DCHS2: variants seen among roughly 807,000 people sequenced by gnomAD.
The protein encoded by DCHS2 is dachsous cadherin-related 2.
A neutral mutation model predicts 182.4 loss-of-function variants in DCHS2; 142 were observed. The observed-to-expected ratio is 0.78, with a 90% CI of 0.68 to 0.89. DCHS2 has a LOEUF of 0.89. Among genes scored for constraint, DCHS2 ranks in the 40% least tolerant of loss-of-function variants. The pLI, the probability that DCHS2 is intolerant of heterozygous loss-of-function variation, is 0.00. For synonymous variants in DCHS2, 1,740 were observed against 1,663.3 expected, an observed-to-expected ratio of 1.05 and a Z score of -1.12; for missense variants, 4,319 against 4,198.6, an observed-to-expected ratio of 1.03 and a Z score of -0.79.
At chr4:154,300,151 A>G (rs1735140260) in intron 12 of DCHS2, among the ~76,000 whole-genome samples, 1 of 152,126 alleles carries the variant, frequency 6.6e-6, no homozygotes. Flanking sequence ...ACTAGTACAC[A>G]GGGTTCCTGG....
intron 6 of DCHS2, 48 bp downstream of exon 6, chr4:154,329,474 AC>A: frequency 6.4e-7 from 1 of 1,552,498 alleles, no homozygotes; most frequent in South Asian, 1.2e-5. Context: ...GGTGCTCAAA[AC>A]AAATGACTTA....
chr4:154,270,675 C>A (rs1296180252), intron 13 of DCHS2, among the ~76,000 whole-genome samples: 1 of 151,354 alleles, frequency 6.6e-6, no homozygotes, highest in African/African-American at 2.4e-5. Context: ...AAGAATGGAG[C>A]AGAGAGGCCA....
chr4:154,273,685 A>G (rs980213152), intron 13 of DCHS2, among the ~76,000 whole-genome samples: 1 of 152,026 alleles, frequency 6.6e-6, no homozygotes, highest in Non-Finnish European at 1.5e-5. Flanking sequence ...ATTCTAAAAA[A>G]TAAATGAAAG....
At chr4:154,321,765 T>C (rs1736070531) in intron 8 of DCHS2, among the ~76,000 whole-genome samples, 1 of 152,198 alleles carries the variant, frequency 6.6e-6, no homozygotes, top group Admixed American at 6.5e-5. Flanking sequence ...ATACCTGTAT[T>C]AATATTTCTG....
chr4:154,442,177 CT>C (rs1389772358), intron 1 of DCHS2, among the ~76,000 whole-genome samples: 1 of 152,050 alleles, frequency 6.6e-6, no homozygotes, highest in Non-Finnish European at 1.5e-5. Flanking sequence ...ACCACTTATC[CT>C]TCCTAACTCA....
At position 154,365,415 on chromosome 4, in the gene DCHS2, T is replaced by A. The variant is rs528305978; in HGVS notation, c.2476+795A>T. Among the ~76,000 whole-genome samples, 23 of 152,294 alleles carry A rather than the reference T, an allele frequency of 1.5e-4. No homozygotes were observed. In the South Asian group the frequency reaches 2.1e-3, roughly 14 times the overall value. On this transcript the variant is annotated intron_variant, in intron 3 of 19. Transcript: ENST00000357232. ...TACTGGCCAACCGTTTCTACATAAA[T>A]TACTGTCTTTAGTTCTCTCACAAAA...
At chr4:154,419,065 C>CAAAAAAAAAAA (rs1560747126) in intron 1 of DCHS2, among the ~76,000 whole-genome samples, 278 of 152,286 alleles carry the variant, frequency 1.8e-3, no homozygotes, top group African/African-American at 6.3e-3. Context: ...GTAATAGCTA[C>CAAAAAAAAAAA]AAAAATAGGC....
At chr4:154,348,274 T>C (rs1291781843) in intron 3 of DCHS2, among the ~76,000 whole-genome samples, 1 of 151,924 alleles carries the variant, frequency 6.6e-6, no homozygotes, top group East Asian at 1.9e-4. Flanking sequence ...CTAATTTAAA[T>C]ATTCAGTTTA....
intron 19 of DCHS2, among the ~76,000 whole-genome samples, chr4:154,238,138 A>G (rs1731623415): frequency 1.9e-5 from 2 of 105,462 alleles, no homozygotes; most frequent in African/African-American, 6.2e-5. Context: ...AAAGAGAGAC[A>G]GACAGAGAGA....
At chr4:154,389,247 T>C (rs1302309664) in intron 1 of DCHS2, among the ~76,000 whole-genome samples, 10 of 152,156 alleles carry the variant, frequency 6.6e-5, no homozygotes, top group Non-Finnish European at 1.5e-4. Flanking sequence ...GTAAAAACCA[T>C]TCTTACCTTT....
chr4:154,340,141 G>A (rs1728997058), intron 3 of DCHS2, among the ~76,000 whole-genome samples: 1 of 152,084 alleles, frequency 6.6e-6, no homozygotes, highest in Admixed American at 6.6e-5. Flanking sequence ...AACTAAGATT[G>A]GACATTAAAA....
Position 154,303,792 on chromosome 4 carries a change from A to G in DCHS2, c.5605+877T>C, listed in dbSNP as rs114434850. On this transcript the variant is annotated intron_variant, in intron 12 of 19. Transcript: ENST00000357232. ...TCACCGCATTTTGACCACTCTGTAA[A>G]TTGTTGAAAACTGATAATAATGTAA... Among the ~76,000 whole-genome samples the G allele has an allele frequency of 3.8e-3, 577 of 152,306 alleles. 4 individuals carry two copies. The highest frequency in any genetic ancestry group is 0.012 in the African/African-American group (491 of 41,576).
At chr4:154,413,102 G>C (rs1407494279) in intron 1 of DCHS2, among the ~76,000 whole-genome samples, 1 of 152,168 alleles carries the variant, frequency 6.6e-6, no homozygotes, top group Non-Finnish European at 1.5e-5. Context: ...ATTCTGAAAG[G>C]ATTATAGAAA....
rs1731218320 is a variant in DCHS2, at chr4:154,231,846, T to TAA, written c.*2688_*2689dup. On this transcript the variant is annotated 3_prime_UTR_variant, in exon 20 of 20. Coordinates refer to ENST00000357232, the MANE Select transcript of DCHS2 (RefSeq NM_001358235.2). ...ATGTAGAGTGCATTTTAATAATTTT[T>TAA]AAAAGAGTTAAATGATCAAATCCCT... The TAA allele has an allele frequency of 1.3e-5, 2 of 152,118 alleles. No individual in the cohort carries two copies. The highest frequency in any genetic ancestry group is 2.9e-5 in the Non-Finnish European group (2 of 67,994). The allele number at this position is 152,118 out of a possible 1,614,324, so 9.4% of individuals were successfully genotyped here.
chr4:154,352,124 A>G (rs984884312), intron 3 of DCHS2, among the ~76,000 whole-genome samples: 1 of 152,084 alleles, frequency 6.6e-6, no homozygotes, highest in African/African-American at 2.4e-5. Flanking sequence ...GAAGGACTCC[A>G]TGTTTGTCCA....
At position 154,298,162 on chromosome 4, in the gene DCHS2, G is replaced by C; in HGVS notation, c.6152C>G (p.Ser2051Trp). The stretch of plus-strand genomic sequence containing the variant: ...AATGACAGTTGTCTGGTTTGTAGGC[G>C]ACTCGGGGGAAAGAAACACATCAAA... ...NPFDVFLSPESPTNQTTVIVR... is the reference protein window; with the variant it reads ...NPFDVFLSPEWPTNQTTVIVR... Residue 2051 changes from serine (S) to tryptophan (W), a missense_variant, in exon 13 of 20, where the codon TCG becomes TGG. Transcript: ENST00000357232. 1 of 1,614,050 alleles carries C rather than the reference G, an allele frequency of 6.2e-7. No homozygotes were observed. Among genetic ancestry groups the C allele is most frequent in the African/African-American group, 1.3e-5 (1 of 75,002 alleles).
rs1731548379 is a variant in DCHS2, at chr4:154,236,921, G to T, written c.7731C>A (p.Asp2577Glu). The T allele has an allele frequency of 1.9e-6, 3 of 1,613,958 alleles. No individual in the cohort carries two copies. The Admixed American group carries it at 5.0e-5, about 27-fold the overall frequency. The change falls in exon 20 of 20, where the codon GAC becomes GAA. Residue 2577 changes from aspartate (D) to glutamate (E), a missense_variant. Transcript: ENST00000357232. ...TLVTFSNIDH[D>E]WTRENTYVEY... ...CAACATATGTGTTTTCACGGGTCCA[G>T]TCATGGTCGATGTTTGAAAATGTAA...
At chr4:154,393,267 T>A (rs555877980) in intron 1 of DCHS2, among the ~76,000 whole-genome samples, 1 of 152,176 alleles carries the variant, frequency 6.6e-6, no homozygotes, top group Non-Finnish European at 1.5e-5. Flanking sequence ...GCAAAGCCCA[T>A]TCCTTGCAAG....
chr4:154,439,175 C>T (rs924798596), intron 1 of DCHS2, among the ~76,000 whole-genome samples: 1 of 152,180 alleles, frequency 6.6e-6, no homozygotes, highest in Non-Finnish European at 1.5e-5. Context: ...AGGCTTTTCA[C>T]ACTGAAAGCA....
Sources: allele counts gnomAD v4.1 joint callset (sites outside exome capture counted in the v4.1 genomes callset), GRCh38; gene constraint gnomAD v4.1.1; transcripts MANE v1.5; gene names NCBI Gene and HGNC (gene_info 2026-07-23, HGNC 2026-07-21).